UBXN11: variants seen among roughly 807,000 people sequenced by gnomAD.
UBXN11 encodes the protein UBX domain protein 11.
In UBXN11, 47 loss-of-function variants were observed where a neutral mutation model predicts 62.8. The observed-to-expected ratio is 0.75, with a 90% CI of 0.59 to 0.95. UBXN11 has a LOEUF of 0.95. Among genes scored for constraint, UBXN11 ranks in the 40% least tolerant of loss-of-function variants. UBXN11 has a pLI of 0.00. For missense variants in UBXN11, 638 were observed against 661.7 expected (o/e 0.96, Z 0.39); for synonymous variants, 294 against 267.0 (o/e 1.10, Z -0.99).
At position 26,285,286 on chromosome 1, in the gene UBXN11, C is replaced by T. The variant is rs2073101051; in HGVS notation, c.852+178G>A. ...GAGGGCGCTGCCTGCTGCTCTGTTT[C>T]GGGCCTCTCCGCTCCCTTCCCAGCC... On this transcript the variant is annotated intron_variant, in intron 10 of 14. Transcript: ENST00000374222. The T allele has an allele frequency of 1.6e-5, 23 of 1,401,680 alleles. No individual in the cohort carries two copies. The South Asian group carries it at 2.7e-4, about 17-fold the overall frequency. 86.8% of individuals were successfully genotyped at this position (1,401,680 alleles called of 1,614,324 possible).
chr1:26,282,870 C>G lies in UBXN11; in HGVS notation c.1145G>C (p.Arg382Pro), dbSNP rs756092849. The G allele has an allele frequency of 2.5e-6, 4 of 1,614,080 alleles. No individual in the cohort carries two copies. In the African/African-American group the frequency reaches 5.3e-5, roughly 22 times the overall value. Reference protein sequence around the residue: ...VVETPTLAAERERSQESPNTP... With the variant: ...VVETPTLAAEPERSQESPNTP... Reference sequence around the variant, plus strand: ...CTCCTCATCCCGCCCTCACCTCTCTCGCTCAGCGGCCAAGGTGGGCGTCTC... The same window carrying G: ...CTCCTCATCCCGCCCTCACCTCTCTGGCTCAGCGGCCAAGGTGGGCGTCTC... The change falls in exon 13 of 15, where the codon CGA (arginine) becomes CCA (proline). Residue 382 changes from arginine to proline, a missense_variant. Coordinates refer to ENST00000374222, the MANE Select transcript of UBXN11 (RefSeq NM_001389556.1).
upstream of UBXN11, chr1:26,306,936 T>G (rs1412916035): frequency 6.6e-6 from 1 of 150,778 alleles, no homozygotes; most frequent in African/African-American, 2.4e-5. Context: ...GAATGTGTGA[T>G]CCCGACAGTG....
At chr1:26,284,582 C>T in intron 10 of UBXN11, 100 bp from the exon 11 acceptor site, 1 of 1,447,864 alleles carries the variant, frequency 6.9e-7, no homozygotes, top group Non-Finnish European at 9.1e-7. Flanking sequence ...AGGGTATGGT[C>T]TAATGCAACC....
chr1:26,299,519 A>C (rs1557687965), intron 4 of UBXN11, among the ~76,000 whole-genome samples: 2 of 150,678 alleles, frequency 1.3e-5, no homozygotes, highest in African/African-American at 4.9e-5. Context: ...TCCAAAAAAA[A>C]AAAAAACAAA....
At position 26,282,885 on chromosome 1, in the gene UBXN11, G is replaced by A. The variant is rs745520921; in HGVS notation, c.1130C>T (p.Thr377Ile). Residue 377 changes from threonine (T) to isoleucine (I), a missense_variant, in exon 13 of 15, where the codon ACC (threonine) becomes ATC (isoleucine). Coordinates refer to ENST00000374222, the MANE Select transcript of UBXN11 (RefSeq NM_001389556.1). ...TCACCTCTCTCGCTCAGCGGCCAAG[G>A]TGGGCGTCTCCACCACAATCTCCTG... ...RIQEIVVETP[T>I]LAAERERSQE... 7 of 1,614,192 alleles carry A rather than the reference G, an allele frequency of 4.3e-6. No individual in the cohort carries two copies. The highest frequency in any genetic ancestry group is 5.9e-6 in the Non-Finnish European group (7 of 1,180,032).
upstream of UBXN11, among the ~76,000 whole-genome samples, chr1:26,307,644 T>TA (rs397938275): frequency 4.1e-3 from 440 of 106,828 alleles, 1 homozygote; most frequent in African/African-American, 0.014. Flanking sequence ...TTTTTTTTTT[T>TA]AATTTTCCGT....
Position 26,282,897 on chromosome 1 carries a change from A to G in UBXN11, c.1118T>C (p.Val373Ala). 6.2e-7 allele frequency: 1 copy of G among 1,614,046 alleles called. No individual in the cohort carries two copies. Among genetic ancestry groups the G allele is most frequent in the East Asian group, 2.2e-5 (1 of 44,872 alleles). The change falls in exon 13 of 15, where the codon GTG (valine) becomes GCG (alanine). Residue 373 changes from valine (V) to alanine (A), a missense_variant. Val to Ala is a moderately conservative substitution (Grantham distance 64). Transcript: ENST00000374222. ...CTCAGCGGCCAAGGTGGGCGTCTCCACCACAATCTCCTGGATCCGGGCAGG... is the reference window on the plus strand; with the variant it reads ...CTCAGCGGCCAAGGTGGGCGTCTCCGCCACAATCTCCTGGATCCGGGCAGG... ...PLPARIQEIVVETPTLAAERE... is the reference protein window; with the variant it reads ...PLPARIQEIVAETPTLAAERE...
In UBXN11 at chr1:26,317,323, G is replaced by A. The variant is rs561869379; in HGVS notation, c.-149+724C>T. Among the ~76,000 whole-genome samples, 21 of 152,180 alleles carry A rather than the reference G, an allele frequency of 1.4e-4. No individual in the cohort carries two copies. In the East Asian group the frequency reaches 1.7e-3, roughly 13 times the overall value. ...TTCAGTCTTCCCAGTTCCTTGAAAT[G>A]AGGAACTGAGGCCTAGAGAGGGAAA... On this transcript the variant is annotated intron_variant, in intron 1 of 14. Transcript: ENST00000374217.
intron 1 of UBXN11, among the ~76,000 whole-genome samples, chr1:26,316,576 A>C (rs1351410567): frequency 4.6e-5 from 7 of 152,168 alleles, no homozygotes; most frequent in Non-Finnish European, 1.0e-4. Context: ...GGCTTCAGAC[A>C]GACCTGGATT....
At chr1:26,295,313 G>A (rs11247904) in intron 7 of UBXN11, among the ~76,000 whole-genome samples, 24,613 of 152,000 alleles carry the variant, frequency 0.16, 2,101 homozygotes, top group Middle Eastern at 0.19. Flanking sequence ...CACCACCCTA[G>A]TTCAAGCCAC....
chr1:26,297,002 G>A lies in UBXN11; in HGVS notation c.356-7C>T, dbSNP rs768382472. The stretch of plus-strand genomic sequence containing the variant: ...CGCTGCAGGGTTGCCTCGGCTTCAG[G>A]GAAAGACAGGGACAGGCTTCAGCTG... On this transcript the variant is annotated splice_polypyrimidine_tract_variant and splice_region_variant and intron_variant, in intron 6 of 14. Coordinates refer to ENST00000374222, the MANE Select transcript of UBXN11 (RefSeq NM_001389556.1). The A allele has an allele frequency of 2.5e-6, 4 of 1,597,186 alleles. No individual in the cohort carries two copies. In the South Asian group the frequency reaches 4.5e-5, roughly 18 times the overall value.
At chr1:26,308,245 C>A (rs571654624), upstream of UBXN11, among the ~76,000 whole-genome samples, 15 of 114,872 alleles carry the variant, frequency 1.3e-4, no homozygotes, top group Non-Finnish European at 2.1e-4. Context: ...CCAGCCTGGG[C>A]AACAAGAGTG....
chr1:26,299,522 A>C (rs1182206996), intron 4 of UBXN11, among the ~76,000 whole-genome samples: 3 of 151,022 alleles, frequency 2.0e-5, no homozygotes, highest in East Asian at 1.9e-4. Flanking sequence ...AAAAAAAAAA[A>C]AAACAAAAAA....
rs80173211 is a variant in UBXN11, at chr1:26,282,538, T to C, written c.1324A>G (p.Ser442Gly). 8.1e-5 allele frequency: 130 copies of C among 1,597,360 alleles called. No individual in the cohort carries two copies. In the East Asian group the frequency reaches 2.8e-3, roughly 34 times the overall value. ...VMDASAFEIF[S>G]TFPPTLYQDD... ...TGGTAGAGGGTGGGCGGGAATGTGC[T>C]GAAGATCTCAAAGGCAGAGGCATCC... Residue 442 changes from serine to glycine, a missense_variant, in exon 15 of 15, where the codon AGC (serine) becomes GGC (glycine). By Grantham distance (56) the Ser-to-Gly change is moderately conservative. Coordinates refer to ENST00000374222, the MANE Select transcript of UBXN11 (RefSeq NM_001389556.1).
Position 26,285,911 on chromosome 1 carries a change from G to A in UBXN11, c.686C>T (p.Thr229Ile). 6.2e-7 allele frequency: 1 copy of A among 1,613,706 alleles called. No individual in the cohort carries two copies. The highest frequency in any genetic ancestry group is 8.5e-7 in the Non-Finnish European group (1 of 1,179,692). Residue 229 changes from threonine to isoleucine, a missense_variant, in exon 9 of 15, where the codon ACC becomes ATC. Transcript: ENST00000374222. ...TPVPGGARLR[T>I]LEPIPLKLYR... ...GAGCTTCAGCGGGATGGGCTCGAGG[G>A]TACGCAGCCGTGCCCCGCCGGGCAC...
chr1:26,284,136 C>A lies in UBXN11; in HGVS notation c.1077+6G>T. Reference sequence around the variant, plus strand: ...GGAGGGCTGGGGGAGTTAGCATTGGCCTCACCTGCAAGGTGTCCCTGATGG... The same window carrying A: ...GGAGGGCTGGGGGAGTTAGCATTGGACTCACCTGCAAGGTGTCCCTGATGG... On this transcript the variant is annotated splice_donor_region_variant and intron_variant, in intron 12 of 14. Coordinates refer to ENST00000374222, the MANE Select transcript of UBXN11 (RefSeq NM_001389556.1). The A allele has an allele frequency of 6.2e-7, 1 of 1,600,264 alleles. No homozygotes were observed. The highest frequency in any genetic ancestry group is 1.1e-5 in the South Asian group (1 of 89,258).
intron 7 of UBXN11, among the ~76,000 whole-genome samples, chr1:26,295,903 C>G (rs533580284): frequency 2.8e-4 from 43 of 152,352 alleles, no homozygotes; most frequent in Non-Finnish European, 4.6e-4. Flanking sequence ...AACTGTGTGG[C>G]GGAGACGCAT....
At chr1:26,313,672 C>T (rs1182684587) in intron 1 of UBXN11, among the ~76,000 whole-genome samples, 2 of 152,102 alleles carry the variant, frequency 1.3e-5, no homozygotes, top group Non-Finnish European at 2.9e-5. Flanking sequence ...CTAATTTTCT[C>T]TTCAGTTGTG....
chr1:26,296,144 G>T (rs1391228941), intron 7 of UBXN11, among the ~76,000 whole-genome samples: 1 of 152,240 alleles, frequency 6.6e-6, no homozygotes, highest in Non-Finnish European at 1.5e-5. Context: ...GCCCATGCGT[G>T]CCTGGGACCC....
Sources: gnomAD v4.1 joint callset for allele counts (sites outside exome capture counted in the v4.1 genomes callset) on GRCh38, gnomAD v4.1.1 for gene constraint, MANE v1.5 for transcripts, NCBI Gene and HGNC (gene_info 2026-07-23, HGNC 2026-07-21) for gene names.